The following HS6ST1 variants were observed in gnomAD, a reference collection of about 807,000 sequenced individuals.
HS6ST1 encodes the protein heparan-sulfate 6-O-sulfotransferase 1.
Under a neutral mutation model 25.2 loss-of-function variants are expected in HS6ST1, and 3 were observed. The observed-to-expected ratio is 0.12, with a 90% confidence interval of 0.05 to 0.31. The LOEUF (loss-of-function observed/expected upper bound fraction) is 0.31, where lower values mean the gene tolerates loss of function less well. Among genes scored for constraint, HS6ST1 ranks in the 10% least tolerant of loss-of-function variants. The probability of loss-of-function intolerance (pLI) is 1.00; values close to 1 mark genes in which losing one functional copy is unlikely to be tolerated. For missense variants in HS6ST1, 310 were observed against 609.6 expected, an observed-to-expected ratio of 0.51 and a Z score of 5.18; for synonymous variants, 204 against 275.1, an observed-to-expected ratio of 0.74 and a Z score of 2.56.
rs372233782 is a variant in HS6ST1, at chr2:128,282,191, T to C, written c.528-13321A>G. Among the ~76,000 whole-genome samples, 119 of 152,352 alleles carry C rather than the reference T, an allele frequency of 7.8e-4. 1 individual carries two copies. The highest frequency in any genetic ancestry group is 2.8e-3 in the African/African-American group (117 of 41,584). On this transcript the variant is annotated intron_variant, in intron 1 of 1. Transcript: ENST00000259241. ...GAACAAAAATCACAGCCCGTTTCCT[T>C]AGAGCACAGTGCATCAGTGAAGAGT...
chr2:128,273,736 C>T (rs373193438), intron 1 of HS6ST1, among the ~76,000 whole-genome samples: 3 of 152,370 alleles, frequency 2.0e-5, no homozygotes, highest in South Asian at 4.1e-4. Context: ...CCATTGCATG[C>T]GTTGCCAGAC....
intron 1 of HS6ST1, among the ~76,000 whole-genome samples, chr2:128,288,960 C>A (rs1246938223): frequency 6.6e-6 from 1 of 152,162 alleles, no homozygotes; most frequent in East Asian, 1.9e-4. Flanking sequence ...TCACCCACGA[C>A]CCCACAGAGC....
At chr2:128,311,544 C>G (rs1392825942) in intron 1 of HS6ST1, among the ~76,000 whole-genome samples, 1 of 152,226 alleles carries the variant, frequency 6.6e-6, no homozygotes, top group African/African-American at 2.4e-5. Flanking sequence ...GGGGATTGAG[C>G]CCAGTCCTGC....
At chr2:128,276,430 C>T (rs971600440) in intron 1 of HS6ST1, among the ~76,000 whole-genome samples, 5 of 152,156 alleles carry the variant, frequency 3.3e-5, no homozygotes, top group African/African-American at 1.2e-4. Context: ...GCCACTGAGC[C>T]CGGCCTGTTT....
intron 1 of HS6ST1, among the ~76,000 whole-genome samples, chr2:128,297,620 G>C (rs1573703123): frequency 1.3e-5 from 2 of 152,312 alleles, no homozygotes; most frequent in Non-Finnish European, 2.9e-5. Context: ...CTGATCATGA[G>C]GTCAGGAGTT....
chr2:128,310,571 T>C (rs1251149769), intron 1 of HS6ST1, among the ~76,000 whole-genome samples: 2 of 144,692 alleles, frequency 1.4e-5, no homozygotes, highest in Non-Finnish European at 1.5e-5. Context: ...TTTTGCTCCA[T>C]GGTCAAGGAA....
chr2:128,290,531 C>T (rs1006415408), intron 1 of HS6ST1, among the ~76,000 whole-genome samples: 3 of 152,086 alleles, frequency 2.0e-5, no homozygotes, highest in Admixed American at 1.3e-4. Context: ...TACTTAGTAA[C>T]CCCAGGTATG....
At chr2:128,291,506 G>C (rs1371478153) in intron 1 of HS6ST1, among the ~76,000 whole-genome samples, 1 of 152,240 alleles carries the variant, frequency 6.6e-6, no homozygotes, top group Admixed American at 6.5e-5. Context: ...CAGGCACTGG[G>C]TGAGCTCAGA....
At chr2:128,286,907 A>G (rs1478512098) in intron 1 of HS6ST1, among the ~76,000 whole-genome samples, 1 of 152,142 alleles carries the variant, frequency 6.6e-6, no homozygotes, top group Non-Finnish European at 1.5e-5. Flanking sequence ...GGGGAACAGC[A>G]TCCCCCAAAG....
intron 1 of HS6ST1, chr2:128,290,228 G>A (rs1693931468): frequency 1.3e-5 from 2 of 151,864 alleles, no homozygotes; most frequent in African/African-American, 4.8e-5. Flanking sequence ...AAAGTTAGGG[G>A]TAAAATTCCT....
At chr2:128,290,370 G>A (rs935440629) in intron 1 of HS6ST1, among the ~76,000 whole-genome samples, 7 of 152,170 alleles carry the variant, frequency 4.6e-5, no homozygotes, top group South Asian at 2.1e-4. Flanking sequence ...TCCTAATACC[G>A]AAGTTGGACA....
intron 1 of HS6ST1, 76 bp downstream of exon 1, chr2:128,317,961 C>A: frequency 3.6e-6 from 5 of 1,377,268 alleles, no homozygotes; most frequent in Non-Finnish European, 4.6e-6. Context: ...CAGGGCCGAC[C>A]CAGTACAGCA....
chr2:128,273,033 C>T (rs927780128), intron 1 of HS6ST1, among the ~76,000 whole-genome samples: 16 of 152,238 alleles, frequency 1.1e-4, no homozygotes, highest in Non-Finnish European at 2.2e-4. Context: ...GTCCTTCCTG[C>T]GCCCATGTCC....
At chr2:128,288,567 A>C (rs1238367554) in intron 1 of HS6ST1, among the ~76,000 whole-genome samples, 1 of 152,220 alleles carries the variant, frequency 6.6e-6, no homozygotes, top group Non-Finnish European at 1.5e-5. Flanking sequence ...TCAACTGGAG[A>C]GATGGAGCAG....
intron 1 of HS6ST1, among the ~76,000 whole-genome samples, chr2:128,300,003 T>C (rs1352335515): frequency 1.3e-5 from 2 of 152,048 alleles, no homozygotes; most frequent in Non-Finnish European, 2.9e-5. Context: ...GCACTCAGAT[T>C]GTCTTGTGAA....
chr2:128,298,009 G>A (rs1249927908), intron 1 of HS6ST1, among the ~76,000 whole-genome samples: 1 of 151,508 alleles, frequency 6.6e-6, no homozygotes. Flanking sequence ...ATTAAAAAAT[G>A]TGCGACATTT....
intron 1 of HS6ST1, among the ~76,000 whole-genome samples, chr2:128,288,932 G>A (rs1178272118): frequency 2.0e-5 from 3 of 152,182 alleles, no homozygotes; most frequent in South Asian, 4.2e-4. Context: ...GTCAGGGTCC[G>A]AGGCAAAGTC....
At chr2:128,291,563 C>G (rs571319652) in intron 1 of HS6ST1, among the ~76,000 whole-genome samples, 3 of 152,324 alleles carry the variant, frequency 2.0e-5, no homozygotes, top group East Asian at 3.9e-4. Context: ...CTCACCAGGG[C>G]CTGAGGGAGA....
At chr2:128,281,216 T>C (rs1558871223) in intron 1 of HS6ST1, among the ~76,000 whole-genome samples, 1 of 152,212 alleles carries the variant, frequency 6.6e-6, no homozygotes, top group African/African-American at 2.4e-5. Flanking sequence ...GCTGGCCTCA[T>C]GACGCTGCTT....
Sources: gnomAD v4.1 joint callset for allele counts (sites outside exome capture counted in the v4.1 genomes callset) on GRCh38, gnomAD v4.1.1 for gene constraint, MANE v1.5 for transcripts, NCBI Gene and HGNC (gene_info 2026-07-23, HGNC 2026-07-21) for gene names.